Variants in RPGR observed in about 807,000 individuals in gnomAD.
RPGR encodes the protein retinitis pigmentosa GTPase regulator.
RPGR carries 10 observed loss-of-function variants against 56.3 expected under a neutral mutation model. That is an observed-to-expected ratio of 0.18 (90% CI 0.11 to 0.30). The LOEUF (loss-of-function observed/expected upper bound fraction) is 0.30. Ranked by LOEUF, RPGR falls within the 10% of genes least tolerant of loss-of-function variation. The pLI is 1.00. For synonymous variants in RPGR, 197 were observed against 212.9 expected (o/e 0.93, Z 0.65); for missense variants, 538 against 590.9 (o/e 0.91, Z 0.93).
intron 15 of RPGR, among the ~76,000 whole-genome samples, chrX:38,283,211 T>A (rs2067063607): frequency 9.0e-6 from 1 of 111,476 alleles, no homozygotes; most frequent in African/African-American, 3.3e-5. Flanking sequence ...ACCTGCCACA[T>A]GTGATTAAAT....
chrX:38,291,614 T>C (rs2067280905), intron 11 of RPGR, 130 bp from the exon 12 acceptor site: 1 of 424,172 alleles, frequency 2.4e-6, no homozygotes, highest in Non-Finnish European at 4.1e-6. Flanking sequence ...TTTAACCTCA[T>C]GTCAGGGAAA....
intron 15 of RPGR, among the ~76,000 whole-genome samples, chrX:38,280,678 C>T (rs747481721): frequency 3.6e-5 from 4 of 111,161 alleles, no homozygotes; most frequent in South Asian, 3.9e-4. Context: ...GACTACAGGG[C>T]GCACACCACC....
At chrX:38,285,648 C>T (rs199691696) in intron 15 of RPGR, 2 of 1,211,426 alleles carry the variant, frequency 1.7e-6, no homozygotes, top group Non-Finnish European at 2.2e-6. Context: ...TGGACCTCTG[C>T]TCTTTCCCAT....
chrX:38,274,619 C>T (rs886619374), intron 17 of RPGR, among the ~76,000 whole-genome samples: 8 of 111,057 alleles, frequency 7.2e-5, no homozygotes, highest in Non-Finnish European at 1.5e-4. Flanking sequence ...GTTTGAGACT[C>T]GCCTGGACAA....
intron 11 of RPGR, among the ~76,000 whole-genome samples, chrX:38,296,348 AAT>A (rs2067384773): frequency 8.9e-6 from 1 of 111,826 alleles, no homozygotes; most frequent in Non-Finnish European, 1.9e-5. Context: ...TACTTTAAAA[AAT>A]ATATGTGTCA....
At chrX:38,295,063 C>T (rs1028468619) in intron 11 of RPGR, among the ~76,000 whole-genome samples, 1 of 112,128 alleles carries the variant, frequency 8.9e-6, no homozygotes, top group Non-Finnish European at 1.9e-5. Context: ...GAAAAACATT[C>T]ATATCACGTA....
At chrX:38,310,289 C>T (rs1601960337) in intron 7 of RPGR, among the ~76,000 whole-genome samples, 1 of 110,964 alleles carries the variant, frequency 9.0e-6, no homozygotes, top group African/African-American at 3.3e-5. Context: ...GCAAAGGCCA[C>T]CTGACACGAG....
At chrX:38,317,946 T>C (rs2067858163) in intron 5 of RPGR, 1 of 112,529 alleles carries the variant, frequency 8.9e-6, no homozygotes, top group Admixed American at 9.4e-5. Context: ...TTCACTACAT[T>C]TTTTTTCCTT....
intron 15 of RPGR, chrX:38,276,872 C>A (rs966403599): frequency 5.9e-6 from 4 of 679,828 alleles, no homozygotes; most frequent in African/African-American, 2.2e-5. Context: ...TCTAAAAAAA[C>A]CAGGAAAATA....
At chrX:38,282,890 T>C (rs777337526) in intron 15 of RPGR, among the ~76,000 whole-genome samples, 52 of 110,867 alleles carry the variant, frequency 4.7e-4, no homozygotes, top group Admixed American at 1.3e-3. Flanking sequence ...ACTCAATGGA[T>C]TCTATATATA....
At position 38,269,285 on chromosome X, in the gene RPGR, T is replaced by C. The variant is rs5964325; in HGVS notation, c.*341A>G. On this transcript the variant is annotated 3_prime_UTR_variant, in exon 19 of 19. Transcript: ENST00000642395. ...TTACAGTGTCGTAAGATTGCAAATA[T>C]TGCCTTATAAAATTATAAAGAAGTA... 2,181 of 137,218 alleles carry C rather than the reference T, an allele frequency of 0.016. 45 individuals carry two copies. The highest frequency in any genetic ancestry group is 0.066 in the African/African-American group (2,065 of 31,351). The allele number at this position is 137,218 out of a possible 1,213,427, so 11.3% of individuals were successfully genotyped here.
intron 6 of RPGR, among the ~76,000 whole-genome samples, chrX:38,311,114 T>C (rs2067708834): frequency 8.9e-6 from 1 of 112,643 alleles, no homozygotes; most frequent in Non-Finnish European, 1.9e-5. Flanking sequence ...CCCCAAAACC[T>C]AGCAGTGTCT....
At chrX:38,303,777 G>A (rs370758806) in intron 8 of RPGR, 1 of 295,491 alleles carries the variant, frequency 3.4e-6, no homozygotes, top group Non-Finnish European at 5.9e-6. Flanking sequence ...ACCATTAGAT[G>A]AGCAGTAGTT....
Position 38,269,445 on chromosome X carries a change from C to T in RPGR, c.*181G>A, listed in dbSNP as rs2066789262. The T allele has an allele frequency of 2.6e-6, 1 of 392,142 alleles. No individual in the cohort carries two copies. Among genetic ancestry groups the T allele is most frequent in the Non-Finnish European group, 4.3e-6 (1 of 229,985 alleles). 32.3% of individuals were successfully genotyped at this position (392,142 alleles called of 1,213,427 possible). Reference sequence around the variant, plus strand: ...TTGAGATACACATATTTTGAAATGACTTGTTAAAAATATTAGCATAAATAA... The same window carrying T: ...TTGAGATACACATATTTTGAAATGATTTGTTAAAAATATTAGCATAAATAA... On this transcript the variant is annotated 3_prime_UTR_variant, in exon 19 of 19. Coordinates refer to ENST00000642395, the MANE Select transcript of RPGR (RefSeq NM_000328.3).
chrX:38,301,625 AGT>A (rs2067503155), intron 8 of RPGR, among the ~76,000 whole-genome samples: 2 of 111,350 alleles, frequency 1.8e-5, no homozygotes, highest in South Asian at 7.7e-4. Context: ...CACGCAAGGC[AGT>A]GTGTGGAGCA....
At position 38,301,442 on chromosome X, in the gene RPGR, C is replaced by T. The variant is rs41311843; in HGVS notation, c.935-71G>A. 0.18 allele frequency: 174,855 copies of T among 945,898 alleles called. 11,620 individuals carry two copies. Among genetic ancestry groups the T allele is most frequent in the Middle Eastern group, 0.27 (855 of 3,140 alleles). 78.0% of individuals were successfully genotyped at this position (945,898 alleles called of 1,213,427 possible). Reference sequence around the variant, plus strand: ...ATGGATCTATTTGTAAACAGATAAACATGTTAACTCATACTGCAATTATAA... The same window carrying T: ...ATGGATCTATTTGTAAACAGATAAATATGTTAACTCATACTGCAATTATAA... On this transcript the variant is annotated intron_variant, in intron 8 of 18. Coordinates refer to ENST00000642395, the MANE Select transcript of RPGR (RefSeq NM_000328.3).
At chrX:38,313,416 G>T (rs986610367) in intron 6 of RPGR, among the ~76,000 whole-genome samples, 3 of 111,833 alleles carry the variant, frequency 2.7e-5, no homozygotes, top group Non-Finnish European at 3.8e-5. Flanking sequence ...TGAGCAAGTT[G>T]TTCAATCACT....
Position 38,297,252 on chromosome X carries a change from A to T in RPGR, c.1414+32T>A, listed in dbSNP as rs368211631. 10 of 1,191,539 alleles carry T rather than the reference A, an allele frequency of 8.4e-6. No homozygotes were observed. In the African/African-American group the frequency reaches 1.6e-4, roughly 19 times the overall value. ...AACTACAGGAATAAAAGGCACATTT[A>T]TCCTGAGAGCAGACAGAGTAGCAAA... On this transcript the variant is annotated intron_variant, in intron 11 of 18. Coordinates refer to ENST00000642395, the MANE Select transcript of RPGR (RefSeq NM_000328.3).
chrX:38,305,216 C>A (rs1316503254), intron 7 of RPGR, among the ~76,000 whole-genome samples: 1 of 111,223 alleles, frequency 9.0e-6, no homozygotes, highest in African/African-American at 3.3e-5. Flanking sequence ...AGGTTTGAGA[C>A]TGGCCTGGCC....
Sources: allele counts gnomAD v4.1 joint callset (sites outside exome capture counted in the v4.1 genomes callset), GRCh38; gene constraint gnomAD v4.1.1; transcripts MANE v1.5; gene names NCBI Gene and HGNC (gene_info 2026-07-23, HGNC 2026-07-21).